The following NFATC1 variants were observed in gnomAD, a reference collection of about 807,000 sequenced individuals.
NFATC1 encodes the protein nuclear factor of activated T cells 1, also known as nuclear factor of activated T-cells, cytoplasmic 1.
In NFATC1, 22 loss-of-function variants were observed where a neutral mutation model predicts 76.0. That is an observed-to-expected ratio of 0.29 (90% CI 0.21 to 0.41). The LOEUF (loss-of-function observed/expected upper bound fraction) is 0.41, where lower values mean the gene tolerates loss of function less well. Among genes scored for constraint, NFATC1 ranks in the 10% least tolerant of loss-of-function variants. NFATC1 has a pLI of 1.00. For missense variants in NFATC1, 1,357 were observed against 1,337.7 expected (o/e 1.01, Z -0.23); for synonymous variants, 704 against 613.1 (o/e 1.15, Z -2.19).
Position 79,411,065 on chromosome 18 carries a change from A to G in NFATC1, c.790A>G (p.Asn264Asp). 1.2e-6 allele frequency: 2 copies of G among 1,611,920 alleles called. No homozygotes were observed. The highest frequency in any genetic ancestry group is 1.7e-6 in the Non-Finnish European group (2 of 1,179,490). ...CTCCTCCAGACCCGCGTCCCCTTGC[A>G]ACAAGAGGAAGTACAGCCTCAACGG... ...ARSSRPASPC[N>D]KRKYSLNGRQ... Residue 264 changes from asparagine to aspartate, a missense_variant, in exon 2 of 10, where the codon AAC becomes GAC. Physicochemically the swap from Asn to Asp is conservative, Grantham distance 23. Around this residue, in one of 3 missense-constraint regions of NFATC1, gnomAD observed 691 missense variants for 613.1 expected, o/e 1.13. Coordinates refer to ENST00000427363, the MANE Select transcript of NFATC1 (RefSeq NM_001278669.2).
intron 1 of NFATC1, among the ~76,000 whole-genome samples, chr18:79,401,326 T>C (rs1242315856): frequency 6.6e-6 from 1 of 152,088 alleles, no homozygotes; most frequent in East Asian, 2.0e-4. Context: ...GTAATGAGGG[T>C]CATATTTTCC....
intron 3 of NFATC1, among the ~76,000 whole-genome samples, chr18:79,447,727 A>T (rs574586803): frequency 6.6e-6 from 1 of 152,240 alleles, no homozygotes; most frequent in Admixed American, 6.5e-5. Flanking sequence ...TTGAGAATCA[A>T]ACGTTCCTGT....
intron 3 of NFATC1, chr18:79,448,188 GC>G (rs1305997492): frequency 6.4e-6 from 1 of 155,162 alleles, no homozygotes; most frequent in Non-Finnish European, 1.4e-5. Flanking sequence ...AGTGTCTGCC[GC>G]CAGCGTCTGC....
intron 9 of NFATC1, among the ~76,000 whole-genome samples, chr18:79,513,819 C>T (rs991205843): frequency 3.3e-5 from 5 of 152,148 alleles, no homozygotes; most frequent in Non-Finnish European, 5.9e-5. Flanking sequence ...AGGTGCGTGG[C>T]GTGGTGAAGC....
intron 9 of NFATC1, among the ~76,000 whole-genome samples, chr18:79,500,809 G>A (rs1239910730): frequency 2.6e-5 from 4 of 152,096 alleles, no homozygotes; most frequent in Non-Finnish European, 4.4e-5. Context: ...AAACAGAAAA[G>A]TATAATAGAC....
At chr18:79,440,954 T>C (rs929494821) in intron 3 of NFATC1, among the ~76,000 whole-genome samples, 1 of 152,164 alleles carries the variant, frequency 6.6e-6, no homozygotes, top group African/African-American at 2.4e-5. Context: ...CGTGTGCCCG[T>C]CTGGGCTGGG....
intron 9 of NFATC1, chr18:79,527,122 T>G: frequency 5.9e-6 from 1 of 168,068 alleles, no homozygotes; most frequent in Admixed American, 5.8e-5. Context: ...CAAAGGGAAA[T>G]AAAAATCAGG....
intron 9 of NFATC1, among the ~76,000 whole-genome samples, chr18:79,520,674 GTC>G (rs2090509670): frequency 2.0e-5 from 1 of 50,136 alleles, no homozygotes; most frequent in Non-Finnish European, 3.6e-5. Flanking sequence ...TGATGTGTGT[GTC>G]TGTGTGTGGT....
chr18:79,472,162 G>A (rs931672043), intron 8 of NFATC1, among the ~76,000 whole-genome samples: 1 of 152,090 alleles, frequency 6.6e-6, no homozygotes, highest in Non-Finnish European at 1.5e-5. Context: ...GGGGGGGCGG[G>A]GGGCGGCTGT....
chr18:79,451,365 G>A (rs2087466379), intron 5 of NFATC1, among the ~76,000 whole-genome samples: 1 of 152,274 alleles, frequency 6.6e-6, no homozygotes, highest in African/African-American at 2.4e-5. Flanking sequence ...AGGGAAAGCG[G>A]TGTGGGCCGG....
intron 9 of NFATC1, among the ~76,000 whole-genome samples, chr18:79,526,156 C>T (rs1013638791): frequency 1.3e-5 from 2 of 152,182 alleles, no homozygotes; most frequent in Admixed American, 1.3e-4. Context: ...GAGGAGCTGC[C>T]GTGCGCACTC....
chr18:79,495,975 C>T (rs973286029), intron 9 of NFATC1: 8 of 149,776 alleles, frequency 5.3e-5, no homozygotes, highest in Admixed American at 5.3e-4. Flanking sequence ...CCGCAAGTGT[C>T]ACTGTAACGC....
intron 9 of NFATC1, among the ~76,000 whole-genome samples, chr18:79,494,676 C>T (rs2089818820): frequency 1.1e-5 from 1 of 90,886 alleles, no homozygotes; most frequent in Non-Finnish European, 2.2e-5. Flanking sequence ...CGGGGGAAGG[C>T]GAGAGCGGGC....
chr18:79,510,572 CTT>C (rs886828279), intron 9 of NFATC1, among the ~76,000 whole-genome samples: 19 of 152,192 alleles, frequency 1.2e-4, no homozygotes, highest in Non-Finnish European at 2.4e-4. Context: ...GCCTGTCTCT[CTT>C]TTATTTCAGC....
intron 9 of NFATC1, among the ~76,000 whole-genome samples, chr18:79,490,018 C>T (rs755703108): frequency 6.6e-6 from 1 of 152,222 alleles, no homozygotes; most frequent in East Asian, 1.9e-4. Context: ...TGAGGTCCCT[C>T]GATGCTCAGC....
At chr18:79,520,612 T>TA (rs1569052405) in intron 9 of NFATC1, among the ~76,000 whole-genome samples, 15 of 52,760 alleles carry the variant, frequency 2.8e-4, no homozygotes, top group East Asian at 6.6e-4. Flanking sequence ...TGTGTGTGTG[T>TA]GGGGGGGGCA....
intron 1 of NFATC1, chr18:79,400,140 G>T: frequency 1.0e-6 from 1 of 986,370 alleles, no homozygotes. Context: ...CGCGCGCGAG[G>T]GGGCGGGGGC....
Position 79,516,512 on chromosome 18 carries a change from A to G in NFATC1, c.2783-11016A>G, listed in dbSNP as rs532450899. Among the ~76,000 whole-genome samples, 3 of 152,338 alleles carry G rather than the reference A, an allele frequency of 2.0e-5. No individual in the cohort carries two copies. In the East Asian group the frequency reaches 5.8e-4, roughly 29 times the overall value. On this transcript the variant is annotated intron_variant, in intron 9 of 9. Transcript: ENST00000427363. ...GGTGGCTCCTCGACTGTGGAGTGGC[A>G]GAACCGCCCTTGTTCTTACCCCGTT...
At chr18:79,416,435 G>C (rs2085877800) in intron 2 of NFATC1, among the ~76,000 whole-genome samples, 1 of 152,346 alleles carries the variant, frequency 6.6e-6, no homozygotes, top group African/African-American at 2.4e-5. Flanking sequence ...ACAGCTCCCA[G>C]GTCCTGTAGT....
Sources: gnomAD v4.1 joint callset for allele counts (sites outside exome capture counted in the v4.1 genomes callset) on GRCh38, gnomAD v4.1.1 for gene constraint, gnomAD v4.1.1 regional missense constraint, MANE v1.5 for transcripts, NCBI Gene and HGNC (gene_info 2026-07-23, HGNC 2026-07-21) for gene names.